CARS1: variants seen among roughly 807,000 people sequenced by gnomAD.
CARS1 encodes the protein cysteinyl-tRNA synthetase 1.
In CARS1, 48 loss-of-function variants were observed where a neutral mutation model predicts 106.2. The observed-to-expected ratio is 0.45, with a 90% CI of 0.36 to 0.57. The LOEUF is 0.57. Among genes scored for constraint, CARS1 ranks in the 20% least tolerant of loss-of-function variants. The probability of loss-of-function intolerance (pLI) is 0.00; values close to 1 mark genes in which losing one functional copy is unlikely to be tolerated. For missense variants in CARS1, 968 were observed against 1,057.2 expected (o/e 0.92, Z 1.17); for synonymous variants, 409 against 403.4 (o/e 1.01, Z -0.17).
chr11:3,015,255 G>C (rs899854886), intron 17 of CARS1, among the ~76,000 whole-genome samples: 2 of 152,140 alleles, frequency 1.3e-5, no homozygotes, highest in African/African-American at 4.8e-5. Context: ...CTCTGGGGCA[G>C]GGGGTCCTGG....
rs561860059 is a variant in CARS1, at chr11:3,000,983, C to G, written c.*131G>C. ...TCTCAGAGCCAACGACGACACGAAC[C>G]TACATGAACACAACTCTTAATTTAG... On this transcript the variant is annotated 3_prime_UTR_variant, in exon 23 of 23. Coordinates refer to ENST00000380525, the MANE Select transcript of CARS1 (RefSeq NM_001014437.3). This position sits in a 1 kb window ranked among gnomAD's most constrained non-coding sequence, Gnocchi z 7.1. The G allele has an allele frequency of 9.6e-5, 98 of 1,025,760 alleles. No individual in the cohort carries two copies. The East Asian group carries it at 2.3e-3, about 25-fold the overall frequency. The allele number at this position is 1,025,760 out of a possible 1,614,324, so 63.5% of individuals were successfully genotyped here.
At chr11:3,032,367 G>A (rs911822244) in intron 7 of CARS1, among the ~76,000 whole-genome samples, 4 of 152,036 alleles carry the variant, frequency 2.6e-5, no homozygotes, top group African/African-American at 4.8e-5. Context: ...CACCGCGCCC[G>A]GCCAATAACT....
rs144277721 is a variant in CARS1, at chr11:3,029,148, G to A, written c.943-64C>T. 714 of 1,446,228 alleles carry A rather than the reference G, an allele frequency of 4.9e-4. 4 individuals carry two copies. In the African/African-American group the frequency reaches 7.3e-3, roughly 15 times the overall value. The allele number at this position is 1,446,228 out of a possible 1,614,324, so 89.6% of individuals were successfully genotyped here. A position where few individuals can be genotyped will look rare whatever the true frequency, so the allele number is the denominator to read the frequency against. On this transcript the variant is annotated intron_variant, in intron 8 of 22. Coordinates refer to ENST00000380525, the MANE Select transcript of CARS1 (RefSeq NM_001014437.3). The surrounding 1 kb of genome is among the most constrained non-coding windows in gnomAD (Gnocchi z 5.9). The stretch of plus-strand genomic sequence containing the variant: ...TGAAAACCACGCGCTCCATAAAAAC[G>A]TTCCCAATTCATAAAACGAAAAGCC...
At chr11:3,032,948 C>T (rs999580789) in intron 7 of CARS1, among the ~76,000 whole-genome samples, 11 of 151,624 alleles carry the variant, frequency 7.3e-5, no homozygotes, top group Admixed American at 1.3e-4. Context: ...AGAAACGTAC[C>T]CCCTGGTGGG....
chr11:3,014,874 C>A (rs1565034266), intron 17 of CARS1, among the ~76,000 whole-genome samples: 1 of 152,256 alleles, frequency 6.6e-6, no homozygotes, highest in African/African-American at 2.4e-5. Flanking sequence ...CTTCACACCA[C>A]TTGTCATTAG....
Position 3,029,005 on chromosome 11 carries a change from T to C in CARS1, c.1022A>G (p.Asn341Ser), listed in dbSNP as rs1852410679. 4 of 1,613,398 alleles carry C rather than the reference T, an allele frequency of 2.5e-6. No individual in the cohort carries two copies. The highest frequency in any genetic ancestry group is 3.4e-6 in the Non-Finnish European group (4 of 1,179,358). ...IVNFVQKIVDNGYGYVSNGSV... is the reference protein window; with the variant it reads ...IVNFVQKIVDSGYGYVSNGSV... ...AGGCCCTTGTGCTTACCCGTAACCG[T>C]TGTCCACAATCTTCTGGACAAAGTT... Residue 341 changes from asparagine to serine, a missense_variant, in exon 9 of 23, where the codon AAC becomes AGC. Asn to Ser is a conservative substitution (Grantham distance 46). Coordinates refer to ENST00000380525, the MANE Select transcript of CARS1 (RefSeq NM_001014437.3). This position sits in a 1 kb window ranked among gnomAD's most constrained non-coding sequence, Gnocchi z 5.9.
At chr11:3,005,283 T>G (rs956186445) in intron 20 of CARS1, 83 bp downstream of exon 20, 1 of 1,083,474 alleles carries the variant, frequency 9.2e-7, no homozygotes, top group African/African-American at 1.6e-5. Flanking sequence ...ACATCAATGC[T>G]TAAAAAGTAA....
rs1239850047 is a variant in CARS1, at chr11:3,039,172, GAGCAGAC to G, written c.651+15_651+21del. On this transcript the variant is annotated intron_variant, in intron 6 of 22. Transcript: ENST00000380525. The surrounding 1 kb of genome is among the most constrained non-coding windows in gnomAD (Gnocchi z 5.6). Reference sequence around the variant, plus strand: ...CAGAAAGCAAAGGGCTCGGTTTCTAGAGCAGACAGCAAGAGGCCCACCTTCAGGGCGG... The same window carrying G: ...CAGAAAGCAAAGGGCTCGGTTTCTAGAGCAAGAGGCCCACCTTCAGGGCGG... 6.6e-7 allele frequency: 1 copy of G among 1,515,986 alleles called. No homozygotes were observed. The highest frequency in any genetic ancestry group is 1.4e-5 in the African/African-American group (1 of 72,878). 93.9% of individuals were successfully genotyped at this position (1,515,986 alleles called of 1,614,324 possible).
At chr11:3,036,694 A>C (rs1398497514) in intron 7 of CARS1, among the ~76,000 whole-genome samples, 1 of 152,228 alleles carries the variant, frequency 6.6e-6, no homozygotes, top group East Asian at 1.9e-4. Flanking sequence ...AAGAAGTGAA[A>C]GCAGGAACCC....
At chr11:3,005,553 G>T in intron 19 of CARS1, 120 bp from the exon 20 acceptor site, 1 of 667,192 alleles carries the variant, frequency 1.5e-6, no homozygotes. Context: ...CAGAGCGAGG[G>T]CCCACAGGAG....
In CARS1 at chr11:3,040,274, C is replaced by T. The variant is rs1366471734; in HGVS notation, c.456-343G>A. On this transcript the variant is annotated intron_variant, in intron 4 of 22. Coordinates refer to ENST00000380525, the MANE Select transcript of CARS1 (RefSeq NM_001014437.3). The surrounding 1 kb of genome is among the most constrained non-coding windows in gnomAD (Gnocchi z 5.8). ...GTTCATTGACTGGCATGCTATTGGT[C>T]AACAGGAGGCTATTTTAGTGGTGAA... Among the ~76,000 whole-genome samples, 1 of 152,090 alleles carries T rather than the reference C, an allele frequency of 6.6e-6. No homozygotes were observed. Among genetic ancestry groups the T allele is most frequent in the Admixed American group, 6.5e-5 (1 of 15,272 alleles).
Position 3,052,032 on chromosome 11 carries a change from A to C in CARS1, c.26-4031T>G, listed in dbSNP as rs1855746091. ...ACGATGGTTGATGAGAGGGGGTGAC[A>C]GGTGATTTTAATTCCCTCTTTTTCT... is the stretch of plus-strand genomic sequence containing the variant. On this transcript the variant is annotated intron_variant, in intron 1 of 22. Transcript: ENST00000380525. The surrounding 1 kb of genome is among the most constrained non-coding windows in gnomAD (Gnocchi z 4.6). Among the ~76,000 whole-genome samples, 1 of 152,274 alleles carries C rather than the reference A, an allele frequency of 6.6e-6. No individual in the cohort carries two copies. Among genetic ancestry groups the C allele is most frequent in the African/African-American group, 2.4e-5 (1 of 41,470 alleles).
chr11:3,049,715 G>A lies in CARS1; in HGVS notation c.26-1714C>T, dbSNP rs545995955. 1.9e-3 allele frequency among the ~76,000 whole-genome samples: 287 copies of A among 152,322 alleles called. 2 individuals carry two copies. Among genetic ancestry groups the A allele is most frequent in the African/African-American group, 6.5e-3 (271 of 41,570 alleles). On this transcript the variant is annotated intron_variant, in intron 1 of 22. Coordinates refer to ENST00000380525, the MANE Select transcript of CARS1 (RefSeq NM_001014437.3). The stretch of plus-strand genomic sequence containing the variant: ...TGCCCTTCCTGGGCACAGGCTGCCC[G>A]ACATCACAGCCATGGGGCGTGGATG...
At position 3,020,152 on chromosome 11, in the gene CARS1, G is replaced by A. The variant is rs907542978; in HGVS notation, c.1266+68C>T. The A allele has an allele frequency of 8.6e-6, 8 of 932,362 alleles. No homozygotes were observed. Among genetic ancestry groups the A allele is most frequent in the Admixed American group, 1.7e-5 (1 of 58,786 alleles). The allele number at this position is 932,362 out of a possible 1,614,324, so 57.8% of individuals were successfully genotyped here. ...CACACACAGAGCGGCCCTCTGCTGG[G>A]GGCCTGAGAGTGTGGCTGGCGCCAG... On this transcript the variant is annotated intron_variant, in intron 11 of 22. Coordinates refer to ENST00000380525, the MANE Select transcript of CARS1 (RefSeq NM_001014437.3). The surrounding 1 kb of genome is among the most constrained non-coding windows in gnomAD (Gnocchi z 4.6).
At position 3,019,283 on chromosome 11, in the gene CARS1, C is replaced by A. The variant is rs1379935792; in HGVS notation, c.1267-16G>T. 5 of 1,394,708 alleles carry A rather than the reference C, an allele frequency of 3.6e-6. No homozygotes were observed. In the African/African-American group the frequency reaches 5.9e-5, roughly 16 times the overall value. 86.4% of individuals were successfully genotyped at this position (1,394,708 alleles called of 1,614,324 possible). ...CCGGACGACCCTGGAGAAAGCCGAA[C>A]ACACAGTGACTGACCAGCCTACCCG... On this transcript the variant is annotated splice_polypyrimidine_tract_variant and intron_variant, in intron 11 of 22. Transcript: ENST00000380525. The surrounding 1 kb of genome is among the most constrained non-coding windows in gnomAD (Gnocchi z 6.2).
chr11:3,010,637 G>C (rs540913525), intron 18 of CARS1, among the ~76,000 whole-genome samples: 1 of 152,150 alleles, frequency 6.6e-6, no homozygotes, highest in African/African-American at 2.4e-5. Flanking sequence ...CCAGCAGCCC[G>C]GCCAGCCTCT....
At chr11:3,015,935 A>C in intron 16 of CARS1, 86 bp from the exon 17 acceptor site, 3 of 1,147,708 alleles carry the variant, frequency 2.6e-6, no homozygotes, top group Non-Finnish European at 3.9e-6. Flanking sequence ...TTCCTCGTTC[A>C]CGGGAGGGGG....
chr11:3,054,976 C>T (rs779268399), intron 1 of CARS1: 1 of 702,618 alleles, frequency 1.4e-6, no homozygotes, highest in Non-Finnish European at 2.6e-6. Flanking sequence ...ACTCATCCTT[C>T]TGAAATAATC....
rs114761477 is a variant in CARS1 at position 3,029,817 on chromosome 11, C to G, written c.802-374G>C. 769 of 223,426 alleles carry G rather than the reference C, an allele frequency of 3.4e-3. 8 individuals carry two copies. Among genetic ancestry groups the G allele is most frequent in the African/African-American group, 0.016 (723 of 44,232 alleles). The allele number at this position is 223,426 out of a possible 1,614,324, so 13.8% of individuals were successfully genotyped here. A position where few individuals can be genotyped will look rare whatever the true frequency, so the allele number is the denominator to read the frequency against. ...ACACAGTGTGTCACCTACAGCACAA[C>G]CCCTTGGTGCATTCAGGAAAAGATT... On this transcript the variant is annotated intron_variant, in intron 7 of 22. Coordinates refer to ENST00000380525, the MANE Select transcript of CARS1 (RefSeq NM_001014437.3). This position sits in a 1 kb window ranked among gnomAD's most constrained non-coding sequence, Gnocchi z 5.9.
Sources: allele counts gnomAD v4.1 joint callset (sites outside exome capture counted in the v4.1 genomes callset), GRCh38; gene constraint gnomAD v4.1.1; non-coding constraint Gnocchi (gnomAD v3.1); transcripts MANE v1.5; gene names NCBI Gene and HGNC (gene_info 2026-07-23, HGNC 2026-07-21).